The following CNTNAP2 variants were observed in gnomAD, a reference collection of about 807,000 sequenced individuals.
CNTNAP2 encodes the protein contactin-associated protein-like 2.
In CNTNAP2, 98 loss-of-function variants were observed where a neutral mutation model predicts 155.2. The observed-to-expected ratio is 0.63, with a 90% confidence interval of 0.54 to 0.75. The LOEUF is 0.75. Ranked by LOEUF, CNTNAP2 falls within the 30% of genes least tolerant of loss-of-function variation. CNTNAP2 has a pLI of 0.00. For synonymous variants in CNTNAP2, 651 were observed against 631.2 expected (o/e 1.03, Z -0.47); for missense variants, 1,727 against 1,688.1 (o/e 1.02, Z -0.40).
At chr7:147,589,344 T>C (rs1800695918) in intron 12 of CNTNAP2, among the ~76,000 whole-genome samples, 1 of 152,286 alleles carries the variant, frequency 6.6e-6, no homozygotes, top group Non-Finnish European at 1.5e-5. Flanking sequence ...CAGACTGTCA[T>C]TATTCATCAA....
chr7:147,488,452 T>C (rs1467112745), intron 11 of CNTNAP2, among the ~76,000 whole-genome samples: 1 of 152,212 alleles, frequency 6.6e-6, no homozygotes, highest in Non-Finnish European at 1.5e-5. Flanking sequence ...GGGTTTGAAC[T>C]GTGTAAGTAA....
intron 1 of CNTNAP2, among the ~76,000 whole-genome samples, chr7:146,609,069 T>C (rs1799092935): frequency 6.6e-6 from 1 of 152,190 alleles, no homozygotes; most frequent in Non-Finnish European, 1.5e-5. Flanking sequence ...ATTATGGCAT[T>C]TGTCAGTCCA....
At chr7:146,680,156 A>C (rs1365235653) in intron 1 of CNTNAP2, among the ~76,000 whole-genome samples, 2 of 152,174 alleles carry the variant, frequency 1.3e-5, no homozygotes, top group Non-Finnish European at 2.9e-5. Context: ...CACTTTATAC[A>C]TGAGGACTTA....
At chr7:147,054,963 G>C (rs1350474492) in intron 4 of CNTNAP2, among the ~76,000 whole-genome samples, 1 of 152,044 alleles carries the variant, frequency 6.6e-6, no homozygotes, top group Non-Finnish European at 1.5e-5. Context: ...GTCATATTAG[G>C]TTTTTCACCT....
At position 146,308,940 on chromosome 7, in the gene CNTNAP2, A is replaced by G. The variant is rs147582042; in HGVS notation, c.97+191967A>G. ...ATGTGTACATATGTAACAAACCTGCATGTTGTGCACATGTACCACAGAACC... is the reference window on the plus strand; with the variant it reads ...ATGTGTACATATGTAACAAACCTGCGTGTTGTGCACATGTACCACAGAACC... On this transcript the variant is annotated intron_variant, in intron 1 of 23. Transcript: ENST00000361727. 1.5e-3 allele frequency among the ~76,000 whole-genome samples: 231 copies of G among 152,260 alleles called. 4 individuals are homozygous for G. In the East Asian group the frequency reaches 0.02, roughly 13 times the overall value.
At chr7:146,622,665 G>T (rs985323390) in intron 1 of CNTNAP2, among the ~76,000 whole-genome samples, 3 of 151,940 alleles carry the variant, frequency 2.0e-5, no homozygotes, top group East Asian at 3.9e-4. Context: ...AGTAATAAAC[G>T]TGGATCCCAG....
intron 2 of CNTNAP2, among the ~76,000 whole-genome samples, chr7:146,813,368 A>T (rs937545127): frequency 1.3e-5 from 2 of 152,190 alleles, no homozygotes; most frequent in Non-Finnish European, 2.9e-5. Flanking sequence ...CTCTTGCATC[A>T]ATGTGACCTA....
At chr7:148,073,575 T>C (rs1212493854) in intron 15 of CNTNAP2, among the ~76,000 whole-genome samples, 1 of 152,212 alleles carries the variant, frequency 6.6e-6, no homozygotes, top group Non-Finnish European at 1.5e-5. Context: ...AGTGCTTCCA[T>C]TCAAAAATTC....
chr7:147,355,195 G>T (rs761562819), intron 9 of CNTNAP2, among the ~76,000 whole-genome samples: 3 of 151,822 alleles, frequency 2.0e-5, no homozygotes, highest in Non-Finnish European at 4.4e-5. Flanking sequence ...ATGACTACTG[G>T]GTAAATAATG....
At chr7:147,493,473 A>AG (rs1311439335) in intron 11 of CNTNAP2, among the ~76,000 whole-genome samples, 1 of 152,174 alleles carries the variant, frequency 6.6e-6, no homozygotes, top group Non-Finnish European at 1.5e-5. Flanking sequence ...CAGGACACTA[A>AG]GGACCCATAG....
At chr7:147,086,532 C>T (rs897655703) in intron 4 of CNTNAP2, among the ~76,000 whole-genome samples, 22 of 152,114 alleles carry the variant, frequency 1.4e-4, no homozygotes, top group African/African-American at 5.3e-4. Flanking sequence ...AGTTTCCTGG[C>T]TCAGTCAGTA....
At chr7:147,677,737 G>A (rs1267576618) in intron 13 of CNTNAP2, among the ~76,000 whole-genome samples, 3 of 151,280 alleles carry the variant, frequency 2.0e-5, no homozygotes, top group Non-Finnish European at 3.0e-5. Flanking sequence ...TCTATATGTG[G>A]GTATCCAGTT....
intron 4 of CNTNAP2, among the ~76,000 whole-genome samples, chr7:147,059,334 T>C (rs898590615): frequency 2.0e-5 from 3 of 152,178 alleles, no homozygotes; most frequent in African/African-American, 7.2e-5. Flanking sequence ...AAAGAGCTAT[T>C]TGGATAACTC....
At position 148,365,711 on chromosome 7, in the gene CNTNAP2, T is replaced by C. The variant is rs1394975512; in HGVS notation, c.3476-17938T>C. On this transcript the variant is annotated intron_variant, in intron 21 of 23. Transcript: ENST00000361727. ...ATATGTATATATGTATACTTTTATA[T>C]ATATGTATACGTGTATATATGTATG... Among the ~76,000 whole-genome samples, 272 of 66,736 alleles carry C rather than the reference T, an allele frequency of 4.1e-3. 7 individuals are homozygous for C. The highest frequency in any genetic ancestry group is 0.012 in the African/African-American group (257 of 21,620). The allele number at this position is 66,736 out of a possible 152,430, so 43.8% of individuals were successfully genotyped here.
intron 1 of CNTNAP2, among the ~76,000 whole-genome samples, chr7:146,362,659 G>T (rs1344799734): frequency 6.6e-6 from 1 of 151,912 alleles, no homozygotes; most frequent in Non-Finnish European, 1.5e-5. Context: ...TAAAAATAAA[G>T]AAGCTGAATT....
At chr7:148,091,159 G>T (rs180933958) in intron 15 of CNTNAP2, among the ~76,000 whole-genome samples, 163 of 152,242 alleles carry the variant, frequency 1.1e-3, no homozygotes, top group Middle Eastern at 6.8e-3. Context: ...GTACATCATA[G>T]TGACTACAGC....
intron 15 of CNTNAP2, among the ~76,000 whole-genome samples, chr7:148,054,986 G>T (rs1366379375): frequency 1.3e-5 from 2 of 150,924 alleles, no homozygotes; most frequent in Non-Finnish European, 1.5e-5. Flanking sequence ...TGGTTCAAGC[G>T]ATTCTCCTGC....
At chr7:147,420,017 C>A (rs1224803152) in intron 10 of CNTNAP2, among the ~76,000 whole-genome samples, 2 of 152,152 alleles carry the variant, frequency 1.3e-5, no homozygotes, top group Non-Finnish European at 2.9e-5. Flanking sequence ...CCACTAGACA[C>A]ACAGGGCCAC....
intron 1 of CNTNAP2, among the ~76,000 whole-genome samples, chr7:146,458,921 C>A (rs914485303): frequency 2.7e-4 from 41 of 152,252 alleles, no homozygotes; most frequent in Admixed American, 1.2e-3. Flanking sequence ...GTATTTCTCT[C>A]TATATATACA....
Sources: allele counts gnomAD v4.1 joint callset (sites outside exome capture counted in the v4.1 genomes callset), GRCh38; gene constraint gnomAD v4.1.1; transcripts MANE v1.5; gene names NCBI Gene and HGNC (gene_info 2026-07-23, HGNC 2026-07-21).